The following CFAP53 variants were observed in gnomAD, a reference collection of about 807,000 sequenced individuals.
The protein encoded by CFAP53 is cilia- and flagella-associated protein 53.
Under a neutral mutation model 59.7 loss-of-function variants are expected in CFAP53, and 62 were observed. The observed-to-expected ratio is 1.04, with a 90% CI of 0.85 to 1.28. The LOEUF is 1.28. Ranked by LOEUF, CFAP53 falls within the 50% of genes most tolerant of loss-of-function variation. The pLI, the probability that CFAP53 is intolerant of heterozygous loss-of-function variation, is 0.00. For synonymous variants in CFAP53, 218 were observed against 205.7 expected (o/e 1.06, Z -0.51); for missense variants, 629 against 615.6 (o/e 1.02, Z -0.23).
At chr18:50,239,174 G>A (rs2033665059) in intron 6 of CFAP53, among the ~76,000 whole-genome samples, 1 of 151,608 alleles carries the variant, frequency 6.6e-6, no homozygotes. Flanking sequence ...GGTCACCTGA[G>A]GTCAGGAGTT....
chr18:50,241,640 A>C (rs1599118735), intron 6 of CFAP53, among the ~76,000 whole-genome samples: 1 of 152,136 alleles, frequency 6.6e-6, no homozygotes, highest in Non-Finnish European at 1.5e-5. Flanking sequence ...TATTGGCAGG[A>C]CCATGATGGC....
At chr18:50,246,742 C>A (rs1318898576) in intron 5 of CFAP53, among the ~76,000 whole-genome samples, 2 of 152,044 alleles carry the variant, frequency 1.3e-5, no homozygotes, top group Non-Finnish European at 1.5e-5. Context: ...AGACTTGAAT[C>A]TAGAAAATAT....
At chr18:50,253,414 T>C (rs1378262724) in intron 3 of CFAP53, among the ~76,000 whole-genome samples, 1 of 152,238 alleles carries the variant, frequency 6.6e-6, no homozygotes, top group Non-Finnish European at 1.5e-5. Flanking sequence ...TTTATGTTTG[T>C]GAGTGCTTTA....
intron 7 of CFAP53, among the ~76,000 whole-genome samples, chr18:50,237,294 G>C (rs2033643092): frequency 1.4e-5 from 1 of 72,084 alleles, no homozygotes. Context: ...GACAGAGCAA[G>C]ACTCCATCTC....
At chr18:50,233,758 T>C (rs924046372) in intron 7 of CFAP53, among the ~76,000 whole-genome samples, 1 of 152,256 alleles carries the variant, frequency 6.6e-6, no homozygotes, top group Non-Finnish European at 1.5e-5. Context: ...CTTCTGGATA[T>C]GCCCATGCGG....
chr18:50,240,802 G>T (rs2033683519), intron 6 of CFAP53, among the ~76,000 whole-genome samples: 1 of 152,196 alleles, frequency 6.6e-6, no homozygotes, highest in African/African-American at 2.4e-5. Flanking sequence ...ATGGGACCAG[G>T]ATGAGCTTCC....
chr18:50,243,236 A>C, intron 5 of CFAP53, 120 bp from the exon 6 acceptor site: 1 of 687,394 alleles, frequency 1.5e-6, no homozygotes, highest in Non-Finnish European at 2.5e-6. Context: ...GTACTGAAAC[A>C]TTTACAGATG....
At chr18:50,251,244 T>C (rs770627571) in intron 4 of CFAP53, among the ~76,000 whole-genome samples, 6 of 152,236 alleles carry the variant, frequency 3.9e-5, no homozygotes, top group Non-Finnish European at 8.8e-5. Flanking sequence ...TTAATCCCAG[T>C]ACCCATCATC....
At chr18:50,249,212 A>G (rs2033774770) in intron 5 of CFAP53, among the ~76,000 whole-genome samples, 1 of 150,498 alleles carries the variant, frequency 6.6e-6, no homozygotes, top group Non-Finnish European at 1.5e-5. Flanking sequence ...TCAAAAAAAA[A>G]AAAAAAAAAA....
chr18:50,262,207 G>C lies in CFAP53; in HGVS notation c.82C>G (p.Pro28Ala). 1 of 1,613,630 alleles carries C rather than the reference G, an allele frequency of 6.2e-7. No individual in the cohort carries two copies. Among genetic ancestry groups the C allele is most frequent in the Non-Finnish European group, 8.5e-7 (1 of 1,179,596 alleles). ...PKVVIVRSKP[P>A]KGQGAEHHLE... ...TGGTGCTCAGCTCCTTGGCCTTTAGGAGGCTTGGATCTCTGAAAACAAAAA... is the reference window on the plus strand; with the variant it reads ...TGGTGCTCAGCTCCTTGGCCTTTAGCAGGCTTGGATCTCTGAAAACAAAAA... Residue 28 changes from proline to alanine, a missense_variant, in exon 2 of 8, where the codon CCT (proline) becomes GCT (alanine). Coordinates refer to ENST00000398545, the MANE Select transcript of CFAP53 (RefSeq NM_145020.5).
At position 50,243,064 on chromosome 18, in the gene CFAP53, C is replaced by A; in HGVS notation, c.1049G>T (p.Arg350Leu). 1 of 1,613,574 alleles carries A rather than the reference C, an allele frequency of 6.2e-7. No individual in the cohort carries two copies. The highest frequency in any genetic ancestry group is 1.1e-5 in the South Asian group (1 of 91,074). Residue 350 changes from arginine to leucine, a missense_variant, in exon 6 of 8, where the codon CGT (arginine) becomes CTT (leucine). Physicochemically the swap from Arg to Leu is moderately radical, Grantham distance 102 (BLOSUM62 -2). Transcript: ENST00000398545. ...TTTCTCCTGAGCTTTTTCTTCCTCA[C>A]GTCTCTGTGCCAAATATTTATGGTA... Reference protein sequence around the residue: ...KIYHKYLAQRREEEKAQEKEF... With the variant: ...KIYHKYLAQRLEEEKAQEKEF...
chr18:50,251,889 A>T, intron 3 of CFAP53, 105 bp from the exon 4 acceptor site: 2 of 1,001,740 alleles, frequency 2.0e-6, no homozygotes, highest in Non-Finnish European at 3.0e-6. Context: ...AAAATCAGAG[A>T]CCTGGATGCA....
rs753484712 is a variant in CFAP53, at chr18:50,261,197, T to C, written c.340A>G (p.Thr114Ala). Residue 114 changes from threonine (T) to alanine (A), a missense_variant, in exon 3 of 8, where the codon ACA becomes GCA. Transcript: ENST00000398545. The part of the protein sequence containing the change: ...LLALEENEYF[T>A]EMQLKKETIE... ...GTTTCTTTCTTCAATTGCATTTCTG[T>C]AAAATACTCATTTTCTTCTAATGCT... is the stretch of plus-strand genomic sequence containing the variant. 10 of 1,543,460 alleles carry C rather than the reference T, an allele frequency of 6.5e-6. No individual in the cohort carries two copies. The highest frequency in any genetic ancestry group is 8.6e-6 in the Non-Finnish European group (10 of 1,156,424).
chr18:50,243,064 C>T lies in CFAP53; in HGVS notation c.1049G>A (p.Arg350His), dbSNP rs371352284. The change falls in exon 6 of 8, where the codon CGT (arginine) becomes CAT (histidine). Residue 350 changes from arginine to histidine, a missense_variant. By Grantham distance (29) the Arg-to-His change is conservative (BLOSUM62 0). Transcript: ENST00000398545. The part of the protein sequence containing the change: ...KIYHKYLAQR[R>H]EEEKAQEKEF... ...TTTCTCCTGAGCTTTTTCTTCCTCA[C>T]GTCTCTGTGCCAAATATTTATGGTA... is the stretch of plus-strand genomic sequence containing the variant. 7.1e-5 allele frequency: 114 copies of T among 1,613,454 alleles called. No individual in the cohort carries two copies. The highest frequency in any genetic ancestry group is 5.6e-4 in the South Asian group (51 of 91,076).
rs1032384159 is a variant in CFAP53 at position 50,261,079 on chromosome 18, A to G, written c.458T>C (p.Leu153Pro). ...ATTTCATTACCTGAATTGCTGGTCT[A>G]GCTTTTCAGCCACAAAATCCTGCCT... ...KERQDFVAEKLDQQFRERCEE... is the reference protein window; with the variant it reads ...KERQDFVAEKPDQQFRERCEE... The change falls in exon 3 of 8, where the codon CTA becomes CCA. Residue 153 changes from leucine to proline, a missense_variant. By Grantham distance (98) the Leu-to-Pro change is moderately conservative. Transcript: ENST00000398545. 3 of 1,598,130 alleles carry G rather than the reference A, an allele frequency of 1.9e-6. No individual in the cohort carries two copies. Among genetic ancestry groups the G allele is most frequent in the Non-Finnish European group, 2.6e-6 (3 of 1,176,348 alleles).
At chr18:50,262,744 G>T in intron 1 of CFAP53, among the ~76,000 whole-genome samples, 1 of 152,098 alleles carries the variant, frequency 6.6e-6, no homozygotes, top group Non-Finnish European at 1.5e-5. Flanking sequence ...GTATATGTGT[G>T]TGTGTATATA....
In CFAP53 at chr18:50,227,506, C is replaced by T; in HGVS notation, c.1420G>A (p.Glu474Lys). The T allele has an allele frequency of 6.2e-7, 1 of 1,614,196 alleles. No individual in the cohort carries two copies. The highest frequency in any genetic ancestry group is 1.3e-5 in the African/African-American group (1 of 75,044). The change falls in exon 8 of 8, where the codon GAA (glutamate) becomes AAA (lysine). Residue 474 changes from glutamate to lysine, a missense_variant. Glu to Lys is a moderately conservative substitution (Grantham distance 56, BLOSUM62 1). Transcript: ENST00000398545. The stretch of plus-strand genomic sequence containing the variant: ...ATCTTGTTTGCTGCTACACCTGCTT[C>T]AAACTCTCGGCGTTTCTCTTCCTTC... Reference protein sequence around the residue: ...AEKEEKRREFEAGVAANKMCL... With the variant: ...AEKEEKRREFKAGVAANKMCL...
At chr18:50,263,706 A>G (rs547300830) in intron 1 of CFAP53, among the ~76,000 whole-genome samples, 1 of 152,348 alleles carries the variant, frequency 6.6e-6, no homozygotes, top group African/African-American at 2.4e-5. Context: ...AGCAGGAATT[A>G]AGGGTCCCAG....
intron 7 of CFAP53, among the ~76,000 whole-genome samples, chr18:50,232,820 G>A (rs1227936176): frequency 1.3e-5 from 2 of 152,216 alleles, no homozygotes; most frequent in Admixed American, 6.5e-5. Flanking sequence ...ACTGTGCAGT[G>A]GCTGGAAGGC....
Sources: gnomAD v4.1 joint callset for allele counts (sites outside exome capture counted in the v4.1 genomes callset) on GRCh38, gnomAD v4.1.1 for gene constraint, MANE v1.5 for transcripts, NCBI Gene and HGNC (gene_info 2026-07-23, HGNC 2026-07-21) for gene names.